The following TIPIN variants were observed in gnomAD, a reference collection of about 807,000 sequenced individuals.
TIPIN encodes the protein TIMELESS-interacting protein.
Under a neutral mutation model 35.6 loss-of-function variants are expected in TIPIN, and 29 were observed. The observed-to-expected ratio is 0.82, with a 90% confidence interval of 0.61 to 1.11. The LOEUF is 1.11. Among genes scored for constraint, TIPIN ranks in the 50% most tolerant of loss-of-function variants. The probability of loss-of-function intolerance (pLI) is 0.00; values close to 1 mark genes in which losing one functional copy is unlikely to be tolerated. For missense variants in TIPIN, 296 were observed against 345.4 expected, an observed-to-expected ratio of 0.86 and a Z score of 1.13; for synonymous variants, 102 against 121.5, an observed-to-expected ratio of 0.84 and a Z score of 1.06.
rs538840851 is a variant in TIPIN at position 66,368,154 on chromosome 15, T to C, written c.-8-15199A>G. Among the ~76,000 whole-genome samples the C allele has an allele frequency of 2.3e-4, 35 of 152,236 alleles. 1 individual carries two copies. The South Asian group carries it at 7.1e-3, about 31-fold the overall frequency. On this transcript the variant is annotated intron_variant, in intron 1 of 7. Coordinates refer to the TIPIN transcript ENST00000562124. ...GCCTAAATCTTTGTACATCTTGGAT[T>C]ATTTCCCTAAAATAAATTTCTAAAT...
In TIPIN at chr15:66,345,387, AAC is replaced by A. The variant is rs138731880; in HGVS notation, c.475+3671_475+3672del. Among the ~76,000 whole-genome samples, 332 of 152,248 alleles carry A rather than the reference AAC, an allele frequency of 2.2e-3. 2 individuals carry two copies. The highest frequency in any genetic ancestry group is 7.9e-3 in the African/African-American group (327 of 41,556). On this transcript the variant is annotated intron_variant, in intron 6 of 7. Transcript: ENST00000261881. ...CCAGGAGATACAGACCAGCTTGGGC[AAC>A]ATAGTGAGATCCTGTCACTACAAAA... is the stretch of plus-strand genomic sequence containing the variant.
upstream of TIPIN, among the ~76,000 whole-genome samples, chr15:66,360,870 G>T (rs1210217255): frequency 1.3e-5 from 2 of 152,182 alleles, no homozygotes; most frequent in African/African-American, 2.4e-5. Context: ...GGAGGCTAAG[G>T]CTGGAGAATC....
rs116903704 is a variant in TIPIN at position 66,383,891 on chromosome 15, T to C, written c.-9+2716A>G. On this transcript the variant is annotated intron_variant, in intron 1 of 7. Transcript: ENST00000562124. ...AAGCCTTTATGTGACGGTATAGATA[T>C]GTTAATTCACTTCACTATAGTAACC... Among the ~76,000 whole-genome samples, 1,292 of 152,324 alleles carry C rather than the reference T, an allele frequency of 8.5e-3. 10 individuals carry two copies. Among genetic ancestry groups the C allele is most frequent in the Non-Finnish European group, 0.014 (956 of 68,008 alleles).
At chr15:66,337,238 A>G (rs1399018128) in intron 7 of TIPIN, 57 bp from the exon 8 acceptor site, 1 of 1,442,992 alleles carries the variant, frequency 6.9e-7, no homozygotes, top group African/African-American at 1.4e-5. Flanking sequence ...ATCTTACCGC[A>G]TGAGTACAAA....
At chr15:66,343,015 C>A (rs2093099232) in intron 6 of TIPIN, among the ~76,000 whole-genome samples, 1 of 152,198 alleles carries the variant, frequency 6.6e-6, no homozygotes. Flanking sequence ...GATCTGTGAG[C>A]CACTCTATAG....
At chr15:66,374,798 T>C (rs2093290396) in intron 1 of TIPIN, among the ~76,000 whole-genome samples, 1 of 152,128 alleles carries the variant, frequency 6.6e-6, no homozygotes, top group Non-Finnish European at 1.5e-5. Context: ...CCCAGGCTGG[T>C]TTCCAACTCC....
intron 1 of TIPIN, among the ~76,000 whole-genome samples, chr15:66,369,055 T>G (rs573028474): frequency 4.3e-4 from 65 of 152,228 alleles, no homozygotes; most frequent in Middle Eastern, 3.4e-3. Flanking sequence ...CTAAGATGAA[T>G]TCAGTCTCCC....
chr15:66,373,613 A>G lies in TIPIN; in HGVS notation c.-9+12994T>C, dbSNP rs2093285492. On this transcript the variant is annotated intron_variant, in intron 1 of 7. Coordinates refer to the TIPIN transcript ENST00000562124. ...AGTTTTCCAAACTGGTTACACAAAT[A>G]TACTCTCACCATCAGTGTAAGGAAG... Among the ~76,000 whole-genome samples the G allele has an allele frequency of 2.6e-5, 4 of 152,144 alleles. No individual in the cohort carries two copies. The South Asian group carries it at 6.2e-4, about 24-fold the overall frequency.
chr15:66,337,326 A>ATAT (rs1566969064), intron 7 of TIPIN, 145 bp from the exon 8 acceptor site: 7 of 529,126 alleles, frequency 1.3e-5, no homozygotes, highest in Non-Finnish European at 1.6e-5. Context: ...TTCTAAATAT[A>ATAT]TCTTTTTTTT....
chr15:66,367,999 A>C (rs1883391067), intron 1 of TIPIN, among the ~76,000 whole-genome samples: 1 of 150,970 alleles, frequency 6.6e-6, no homozygotes, highest in African/African-American at 2.4e-5. Flanking sequence ...ATGGCTGACT[A>C]ATTTTTGTAT....
intron 1 of TIPIN, among the ~76,000 whole-genome samples, chr15:66,375,920 C>T (rs975930066): frequency 6.6e-6 from 1 of 151,458 alleles, no homozygotes. Flanking sequence ...AGGCAACATA[C>T]GGATACACTG....
chr15:66,381,220 G>A (rs1191090753), intron 1 of TIPIN, among the ~76,000 whole-genome samples: 1 of 151,906 alleles, frequency 6.6e-6, no homozygotes, highest in Non-Finnish European at 1.5e-5. Flanking sequence ...TGGATCACCT[G>A]AGGTCAGGAG....
chr15:66,352,940 T>C lies in TIPIN; in HGVS notation c.8A>G (p.Glu3Gly). The C allele has an allele frequency of 6.2e-7, 1 of 1,613,062 alleles. No individual in the cohort carries two copies. Among genetic ancestry groups the C allele is most frequent in the South Asian group, 1.1e-5 (1 of 91,030 alleles). ...GTCAATCACGCCATTCTCCTGTGGT[T>C]CTAGCATCTTTTCCTCTAGGGGAAA... The part of the protein sequence containing the change: ML[E>G]PQENGVIDLP... The change falls in exon 2 of 8, where the codon GAA (glutamate) becomes GGA (glycine). Residue 3 changes from glutamate (E) to glycine (G), a missense_variant. Glu to Gly is a moderately conservative substitution (Grantham distance 98, BLOSUM62 -2). Transcript: ENST00000261881.
intron 1 of TIPIN, among the ~76,000 whole-genome samples, chr15:66,378,118 T>A (rs1287978511): frequency 6.6e-6 from 1 of 152,206 alleles, no homozygotes; most frequent in African/African-American, 2.4e-5. Context: ...TTCTCCTGCC[T>A]CAGCCTCCTG....
chr15:66,363,806 C>G (rs1419923454), intron 1 of TIPIN, among the ~76,000 whole-genome samples: 1 of 151,574 alleles, frequency 6.6e-6, no homozygotes, highest in Non-Finnish European at 1.5e-5. Flanking sequence ...CATGGTGAAA[C>G]CACATCTCTG....
At chr15:66,348,008 C>T (rs201662024) in intron 6 of TIPIN, among the ~76,000 whole-genome samples, 7 of 135,506 alleles carry the variant, frequency 5.2e-5, no homozygotes, top group Non-Finnish European at 9.2e-5. Context: ...TTCTTTCTTT[C>T]TTTTTTTTTT....
intron 1 of TIPIN, among the ~76,000 whole-genome samples, chr15:66,370,353 C>CT (rs2140489312): frequency 6.6e-6 from 1 of 152,278 alleles, no homozygotes; most frequent in South Asian, 2.1e-4. Context: ...GTTGAGGCAT[C>CT]TTTTCCTTTA....
At chr15:66,359,174 GAC>G (rs144363122), upstream of TIPIN, among the ~76,000 whole-genome samples, 47,297 of 134,518 alleles carry the variant, frequency 0.35, 7,793 homozygotes, top group African/African-American at 0.42. Context: ...CACACACACA[GAC>G]ACACACACAC....
intron 1 of TIPIN, among the ~76,000 whole-genome samples, chr15:66,354,028 C>A (rs889343802): frequency 1.3e-5 from 2 of 152,110 alleles, no homozygotes; most frequent in Non-Finnish European, 2.9e-5. Flanking sequence ...GAGGCTGAGG[C>A]TTTCCTCCCT....
Sources: gnomAD v4.1 joint callset for allele counts (sites outside exome capture counted in the v4.1 genomes callset) on GRCh38, gnomAD v4.1.1 for gene constraint, MANE v1.5 for transcripts, NCBI Gene and HGNC (gene_info 2026-07-23, HGNC 2026-07-21) for gene names.